SAMD4A: variants seen among roughly 807,000 people sequenced by gnomAD.
The protein encoded by SAMD4A is sterile alpha motif domain containing 4A, also known as protein Smaug homolog 1.
Under a neutral mutation model 81.3 loss-of-function variants are expected in SAMD4A, and 33 were observed. That is an observed-to-expected ratio of 0.41 (90% CI 0.31 to 0.54). SAMD4A has a LOEUF of 0.54. SAMD4A is among the 20% of genes least tolerant of loss of function. The probability of loss-of-function intolerance (pLI) is 0.37; values close to 1 mark genes in which losing one functional copy is unlikely to be tolerated. For missense variants in SAMD4A, 854 were observed against 951.1 expected, an observed-to-expected ratio of 0.90 and a Z score of 1.34; for synonymous variants, 389 against 382.1, an observed-to-expected ratio of 1.02 and a Z score of -0.21.
At chr14:54,646,277 G>A (rs2035284906) in intron 2 of SAMD4A, among the ~76,000 whole-genome samples, 1 of 152,164 alleles carries the variant, frequency 6.6e-6, no homozygotes, top group South Asian at 2.1e-4. Flanking sequence ...GCCAGTTGAA[G>A]CTTTCTCAGT....
intron 2 of SAMD4A, chr14:54,694,843 C>G (rs1323508113): frequency 1.0e-6 from 1 of 985,394 alleles, no homozygotes; most frequent in East Asian, 1.1e-4. Context: ...CCTGGAGCAC[C>G]CAGCTGTGCC....
At chr14:54,583,804 T>C (rs1321747398) in intron 2 of SAMD4A, among the ~76,000 whole-genome samples, 1 of 152,260 alleles carries the variant, frequency 6.6e-6, no homozygotes, top group African/African-American at 2.4e-5. Flanking sequence ...CTGGGATTAT[T>C]TAATGAACCT....
chr14:54,618,684 A>T (rs2034546471), intron 2 of SAMD4A, among the ~76,000 whole-genome samples: 1 of 152,212 alleles, frequency 6.6e-6, no homozygotes. Context: ...TTACCAAGTT[A>T]CTAAGGTGTA....
At chr14:54,774,650 ACC>A in intron 9 of SAMD4A, among the ~76,000 whole-genome samples, 1 of 146,174 alleles carries the variant, frequency 6.8e-6, no homozygotes, top group Non-Finnish European at 1.5e-5. Flanking sequence ...CTCCATCTCT[ACC>A]AAAAAAAAAA....
In SAMD4A at chr14:54,578,667, G is replaced by A. The variant is rs1484335405; in HGVS notation, c.196+10555G>A. The stretch of plus-strand genomic sequence containing the variant: ...GCGGAGGTTGCAGTAAGCCGAGATC[G>A]CACCACTGCACTCCAGCCTGGGTGA... On this transcript the variant is annotated intron_variant, in intron 2 of 12. Transcript: ENST00000554335. 3.3e-5 allele frequency among the ~76,000 whole-genome samples: 5 copies of A among 152,060 alleles called. No individual in the cohort carries two copies. In the South Asian group the frequency reaches 6.3e-4, roughly 19 times the overall value.
At chr14:54,714,004 T>C (rs898711125) in intron 3 of SAMD4A, among the ~76,000 whole-genome samples, 7 of 152,210 alleles carry the variant, frequency 4.6e-5, no homozygotes, top group African/African-American at 1.7e-4. Flanking sequence ...AGATAGGTAG[T>C]TGATGCATTC....
chr14:54,673,270 A>C (rs536632751), intron 2 of SAMD4A, among the ~76,000 whole-genome samples: 1 of 152,310 alleles, frequency 6.6e-6, no homozygotes, highest in South Asian at 2.1e-4. Flanking sequence ...CCAGAGCTAG[A>C]ATTTGGCTCT....
intron 2 of SAMD4A, among the ~76,000 whole-genome samples, chr14:54,634,719 A>ATCTATCTG (rs1417786143): frequency 7.0e-6 from 1 of 142,412 alleles, no homozygotes; most frequent in Non-Finnish European, 1.6e-5. Flanking sequence ...CTATCTATCT[A>ATCTATCTG]TCTGTCTGTC....
intron 2 of SAMD4A, among the ~76,000 whole-genome samples, chr14:54,691,427 G>T (rs534986887): frequency 2.6e-5 from 4 of 152,100 alleles, no homozygotes; most frequent in African/African-American, 9.6e-5. Flanking sequence ...CAGAAGGAGG[G>T]AAATGGCCTC....
chr14:54,710,495 G>C (rs1566597873), intron 3 of SAMD4A, among the ~76,000 whole-genome samples: 1 of 152,152 alleles, frequency 6.6e-6, no homozygotes, highest in Non-Finnish European at 1.5e-5. Context: ...TAGTTCAGCT[G>C]GGATGTGAAC....
chr14:54,612,672 GT>G (rs1224256515), intron 2 of SAMD4A, among the ~76,000 whole-genome samples: 1 of 152,070 alleles, frequency 6.6e-6, no homozygotes, highest in African/African-American at 2.4e-5. Flanking sequence ...AAAAACATCT[GT>G]TTTTTTCAAA....
At chr14:54,579,047 AGTT>A (rs1413384373) in intron 2 of SAMD4A, among the ~76,000 whole-genome samples, 1 of 152,220 alleles carries the variant, frequency 6.6e-6, no homozygotes, top group Non-Finnish European at 1.5e-5. Context: ...CTCTCCGTGT[AGTT>A]CTAAAAATGA....
At chr14:54,633,808 G>T (rs2034962688) in intron 2 of SAMD4A, among the ~76,000 whole-genome samples, 1 of 152,112 alleles carries the variant, frequency 6.6e-6, no homozygotes, top group Admixed American at 6.5e-5. Flanking sequence ...TCATATGGTG[G>T]TTATGAATAT....
Position 54,760,365 on chromosome 14 carries a change from G to C in SAMD4A, c.1381G>C (p.Ala461Pro). Residue 461 changes from alanine to proline, a missense_variant, in exon 7 of 13, where the codon GCC (alanine) becomes CCC (proline). This residue lies in a region of SAMD4A where 428 missense variants were observed against 471.2 expected (regional missense o/e 0.91). Coordinates refer to ENST00000554335, the MANE Select transcript of SAMD4A (RefSeq NM_015589.6). ...TGGGGCCGCAGCCACTGGCGCCACG[G>C]CCACCCCCTCGGCCGGGGCCAGCGG... ...KDGAAATGAT[A>P]TPSAGASGGL... 2 of 1,572,034 alleles carry C rather than the reference G, an allele frequency of 1.3e-6. No homozygotes were observed. Among genetic ancestry groups the C allele is most frequent in the Non-Finnish European group, 1.7e-6 (2 of 1,166,450 alleles).
chr14:54,566,343 G>T (rs2032932447), upstream of SAMD4A, among the ~76,000 whole-genome samples: 2 of 151,670 alleles, frequency 1.3e-5, no homozygotes. Flanking sequence ...CCTCGGCGGG[G>T]GACCCGCGGG....
intron 2 of SAMD4A, among the ~76,000 whole-genome samples, chr14:54,699,158 G>A (rs1181962435): frequency 6.6e-6 from 1 of 152,124 alleles, no homozygotes; most frequent in East Asian, 1.9e-4. Context: ...CTTCTTTTCA[G>A]TGCCTCTTGG....
intron 2 of SAMD4A, among the ~76,000 whole-genome samples, chr14:54,572,056 T>C (rs2033144634): frequency 6.6e-6 from 1 of 152,262 alleles, no homozygotes; most frequent in South Asian, 2.1e-4. Flanking sequence ...CATTTATTCA[T>C]TCCACAAACA....
chr14:54,738,310 T>C (rs974101744), intron 4 of SAMD4A, among the ~76,000 whole-genome samples: 10 of 152,192 alleles, frequency 6.6e-5, no homozygotes, highest in African/African-American at 2.4e-4. Context: ...AGCATGCCCA[T>C]GACTGCCCAA....
chr14:54,583,126 T>C (rs141032730), intron 2 of SAMD4A, among the ~76,000 whole-genome samples: 1 of 152,190 alleles, frequency 6.6e-6, no homozygotes, highest in African/African-American at 2.4e-5. Flanking sequence ...TGTATTTTAG[T>C]AGAGACGGGA....
Sources: gnomAD v4.1 joint callset for allele counts (sites outside exome capture counted in the v4.1 genomes callset) on GRCh38, gnomAD v4.1.1 for gene constraint, gnomAD v4.1.1 regional missense constraint, MANE v1.5 for transcripts, NCBI Gene and HGNC (gene_info 2026-07-23, HGNC 2026-07-21) for gene names.